The following VPS39 variants were observed in gnomAD, a reference collection of about 807,000 sequenced individuals.
The protein encoded by VPS39 is VPS39 subunit of HOPS complex.
VPS39 carries 70 observed loss-of-function variants against 121.0 expected under a neutral mutation model. The observed-to-expected ratio is 0.58, with a 90% confidence interval of 0.48 to 0.71. The LOEUF is 0.71. VPS39 is among the 30% of genes least tolerant of loss of function. The pLI is 0.00. For synonymous variants in VPS39, 378 were observed against 398.1 expected (o/e 0.95, Z 0.60); for missense variants, 818 against 1,051.5 (o/e 0.78, Z 3.07).
Position 42,165,092 on chromosome 15 carries a change from C to T in VPS39, c.1801G>A (p.Glu601Lys), listed in dbSNP as rs767962976. Residue 601 changes from glutamate (E) to lysine (K), a missense_variant, in exon 18 of 25, where the codon GAG becomes AAG. Coordinates refer to ENST00000318006, the MANE Select transcript of VPS39 (RefSeq NM_015289.5). ...TTGTGGAACCGAGAGCCTGTCTCCTCCCAAACATGGATGATGTGTTCCTGA... is the reference window on the plus strand; with the variant it reads ...TTGTGGAACCGAGAGCCTGTCTCCTTCCAAACATGGATGATGTGTTCCTGA... ...PYLEHIIHVW[E>K]ETGSRFHNCL... 6.2e-7 allele frequency: 1 copy of T among 1,614,210 alleles called. No individual in the cohort carries two copies. Among genetic ancestry groups the T allele is most frequent in the South Asian group, 1.1e-5 (1 of 91,086 alleles).
rs777472248 is a variant in VPS39 at position 42,173,783 on chromosome 15, T to G, written c.1030A>C (p.Asn344His). The change falls in exon 11 of 25, where the codon AAC becomes CAC. Residue 344 changes from asparagine (N) to histidine (H), a missense_variant. By Grantham distance (68) the Asn-to-His change is moderately conservative. Coordinates refer to ENST00000318006, the MANE Select transcript of VPS39 (RefSeq NM_015289.5). ...TCAAAACGCTTCTGGCAGAAGAGGT[T>G]GAAGGCATACAAGTTCTTGATGTGA... is the stretch of plus-strand genomic sequence containing the variant. Reference protein sequence around the residue: ...IHHIKNLYAFNLFCQKRFDES... With the variant: ...IHHIKNLYAFHLFCQKRFDES... The G allele has an allele frequency of 1.2e-6, 2 of 1,614,128 alleles. No individual in the cohort carries two copies. Among genetic ancestry groups the G allele is most frequent in the African/African-American group, 1.3e-5 (1 of 74,930 alleles).
chr15:42,163,955 G>C (rs2049191080), intron 19 of VPS39, among the ~76,000 whole-genome samples: 1 of 152,126 alleles, frequency 6.6e-6, no homozygotes, highest in Admixed American at 6.5e-5. Context: ...TATAAACTGG[G>C]TAAGAATATT....
intron 1 of VPS39, 41 bp downstream of exon 1, chr15:42,208,040 C>A: frequency 6.4e-7 from 1 of 1,552,736 alleles, no homozygotes; most frequent in East Asian, 2.4e-5. Context: ...CGGACCGCTC[C>A]TGTGCTGACT....
chr15:42,163,549 T>C (rs1456771182), intron 20 of VPS39, 77 bp downstream of exon 20: 4 of 1,524,016 alleles, frequency 2.6e-6, no homozygotes, highest in Non-Finnish European at 3.6e-6. Context: ...TATGGGGAGA[T>C]GGCCTTCTTA....
At chr15:42,187,186 A>C in intron 7 of VPS39, 85 bp downstream of exon 7, 1 of 1,017,522 alleles carries the variant, frequency 9.8e-7, no homozygotes, top group Non-Finnish European at 1.4e-6. Flanking sequence ...CTCTACTTAA[A>C]GTGGTCGCTT....
chr15:42,159,073 G>T lies in VPS39; in HGVS notation c.*1681C>A. 6.6e-6 allele frequency: 1 copy of T among 152,384 alleles called. No homozygotes were observed. Among genetic ancestry groups the T allele is most frequent in the Non-Finnish European group, 1.5e-5 (1 of 68,090 alleles). The allele number at this position is 152,384 out of a possible 1,614,324, so 9.4% of individuals were successfully genotyped here. On this transcript the variant is annotated 3_prime_UTR_variant, in exon 25 of 25. Transcript: ENST00000318006. ...CCCAGATGAGGCCCCGGGCAGCACT[G>T]CTTCTGTGTGGGTATGGCCAGTCGG...
chr15:42,163,426 G>A lies in VPS39; in HGVS notation c.2130-31C>T, dbSNP rs1306351174. 1.9e-6 allele frequency: 3 copies of A among 1,613,686 alleles called. No individual in the cohort carries two copies. In the South Asian group the frequency reaches 3.3e-5, roughly 18 times the overall value. The stretch of plus-strand genomic sequence containing the variant: ...AGGGAGAGAGTGGTGAGAGCAGGTG[G>A]TGTGAGGGGGGCACATCTAAATGAG... On this transcript the variant is annotated intron_variant, in intron 20 of 24. Transcript: ENST00000318006.
chr15:42,191,322 T>G, intron 3 of VPS39, 155 bp from the exon 4 acceptor site: 1 of 1,105,920 alleles, frequency 9.0e-7, no homozygotes, highest in South Asian at 1.5e-5. Context: ...GTGATTATCA[T>G]TTCTGCTTGT....
intron 11 of VPS39, among the ~76,000 whole-genome samples, chr15:42,172,412 A>G (rs2140849420): frequency 6.6e-6 from 1 of 152,328 alleles, no homozygotes; most frequent in Non-Finnish European, 1.5e-5. Context: ...CCCAGGTGAC[A>G]TAAAACTGCA....
chr15:42,198,517 AT>A (rs1179781311), intron 2 of VPS39, among the ~76,000 whole-genome samples: 1 of 152,022 alleles, frequency 6.6e-6, no homozygotes, highest in East Asian at 1.9e-4. Context: ...CATCCAGCTA[AT>A]TTTTTGTAGA....
In VPS39 at chr15:42,167,546, G is replaced by T; in HGVS notation, c.1234-9C>A. 1 of 1,613,808 alleles carries T rather than the reference G, an allele frequency of 6.2e-7. No homozygotes were observed. The highest frequency in any genetic ancestry group is 1.1e-5 in the South Asian group (1 of 91,034). ...ACCAATTGACTTCGTTTCTGCAAAGGTCAAAATGTGGGGTTAAGGCCAGGA... is the reference window on the plus strand; with the variant it reads ...ACCAATTGACTTCGTTTCTGCAAAGTTCAAAATGTGGGGTTAAGGCCAGGA... On this transcript the variant is annotated splice_polypyrimidine_tract_variant and intron_variant, in intron 12 of 24. Transcript: ENST00000318006.
chr15:42,184,661 C>A lies in VPS39; in HGVS notation c.574G>T (p.Gly192Ter). Residue 192 changes from glycine (G) to a stop codon, truncating the protein, a stop_gained, in exon 8 of 25, where the codon GGA becomes TGA. Coordinates refer to ENST00000318006, the MANE Select transcript of VPS39 (RefSeq NM_015289.5). LOFTEE classifies it high-confidence loss of function. ...GCAACTAAGGGCTCCAGCTGTTTTC[C>A]TGTTGGAAAGAGCTCTTTGATGGAC... ...KGSIKELFPT[G>*]KQLEPLVAPL... 6.2e-7 allele frequency: 1 copy of A among 1,614,018 alleles called. No homozygotes were observed. Among genetic ancestry groups the A allele is most frequent in the South Asian group, 1.1e-5 (1 of 91,060 alleles).
At chr15:42,181,132 G>A (rs1263187159) in intron 8 of VPS39, among the ~76,000 whole-genome samples, 2 of 152,204 alleles carry the variant, frequency 1.3e-5, no homozygotes, top group South Asian at 2.1e-4. Context: ...ATCCACGAAC[G>A]GATGGATAAA....
intron 10 of VPS39, among the ~76,000 whole-genome samples, chr15:42,175,530 C>A (rs2049435338): frequency 6.6e-6 from 1 of 152,074 alleles, no homozygotes; most frequent in Non-Finnish European, 1.5e-5. Context: ...TTTGCTTCTT[C>A]CTCATAACCT....
At position 42,170,741 on chromosome 15, in the gene VPS39, A is replaced by ATTTTTTTTT. The variant is rs869280235; in HGVS notation, c.1091-884_1091-876dup. 7.3e-4 allele frequency among the ~76,000 whole-genome samples: 37 copies of ATTTTTTTTT among 50,484 alleles called. 10 individuals carry two copies. The highest frequency in any genetic ancestry group is 9.8e-4 in the Non-Finnish European group (28 of 28,632). The allele number at this position is 50,484 out of a possible 152,430, so 33.1% of individuals were successfully genotyped here. The stretch of plus-strand genomic sequence containing the variant: ...ATGGTGTTCTCACAGATGCTCGCAG[A>ATTTTTTTTT]TTTTTTTTTTTTTTTTTTTTTTTTT... On this transcript the variant is annotated intron_variant, in intron 11 of 24. Coordinates refer to ENST00000318006, the MANE Select transcript of VPS39 (RefSeq NM_015289.5).
chr15:42,205,187 T>G (rs904045726), intron 1 of VPS39, among the ~76,000 whole-genome samples: 1 of 152,144 alleles, frequency 6.6e-6, no homozygotes, highest in Non-Finnish European at 1.5e-5. Flanking sequence ...GATATAGCAA[T>G]GCAGAAAACA....
chr15:42,189,532 C>T (rs2049776159), intron 4 of VPS39, among the ~76,000 whole-genome samples: 1 of 151,952 alleles, frequency 6.6e-6, no homozygotes, highest in African/African-American at 2.4e-5. Context: ...AGTTTGAGAC[C>T]AGCCTGGGTA....
intron 4 of VPS39, among the ~76,000 whole-genome samples, chr15:42,189,701 C>T (rs563313447): frequency 8.1e-6 from 1 of 124,132 alleles, no homozygotes. Context: ...TACACTCCAG[C>T]CTGGGCGACA....
intron 8 of VPS39, among the ~76,000 whole-genome samples, chr15:42,181,374 G>A (rs1327895837): frequency 6.6e-6 from 1 of 152,092 alleles, no homozygotes; most frequent in Non-Finnish European, 1.5e-5. Flanking sequence ...AAGCAGAAAG[G>A]AGAATGGTGG....
Sources: gnomAD v4.1 joint callset for allele counts (sites outside exome capture counted in the v4.1 genomes callset) on GRCh38, gnomAD v4.1.1 for gene constraint, MANE v1.5 for transcripts, NCBI Gene and HGNC (gene_info 2026-07-23, HGNC 2026-07-21) for gene names.